Variants in DOCK3 observed in about 807,000 individuals in gnomAD.
The protein encoded by DOCK3 is dedicator of cytokinesis protein 3.
In DOCK3, 60 loss-of-function variants were observed where a neutral mutation model predicts 265.6. The ratio of observed to expected loss-of-function variants is 0.23; its 90% confidence interval spans 0.18 to 0.28. The LOEUF (loss-of-function observed/expected upper bound fraction) is 0.28. Among genes scored for constraint, DOCK3 ranks in the 10% least tolerant of loss-of-function variants. The probability of loss-of-function intolerance (pLI) is 1.00; values close to 1 mark genes in which losing one functional copy is unlikely to be tolerated. For synonymous variants in DOCK3, 881 were observed against 938.0 expected (o/e 0.94, Z 1.11); for missense variants, 1,981 against 2,594.3 (o/e 0.76, Z 5.14).
chr3:51,351,787 G>A (rs1249630471), intron 40 of DOCK3, among the ~76,000 whole-genome samples: 2 of 151,884 alleles, frequency 1.3e-5, no homozygotes, highest in Non-Finnish European at 2.9e-5. Flanking sequence ...CTCCCGAGTG[G>A]CTGGGATTAC....
chr3:51,227,407 G>A lies in DOCK3; in HGVS notation c.1502G>A (p.Arg501Gln), dbSNP rs2090372220. 3.7e-6 allele frequency: 6 copies of A among 1,613,640 alleles called. No individual in the cohort carries two copies. The highest frequency in any genetic ancestry group is 1.3e-5 in the African/African-American group (1 of 74,880). ...IKLPIPIDRFRGSHLRFEFRH... is the reference protein window; with the variant it reads ...IKLPIPIDRFQGSHLRFEFRH... ...TTGCCTATCCCCATTGACCGGTTCCGGGGCTCCCACCTGCGCTTTGAGTTC... is the reference window on the plus strand; with the variant it reads ...TTGCCTATCCCCATTGACCGGTTCCAGGGCTCCCACCTGCGCTTTGAGTTC... Residue 501 changes from arginine (R) to glutamine (Q), a missense_variant, in exon 16 of 53, where the codon CGG (arginine) becomes CAG (glutamine). By Grantham distance (43) the Arg-to-Gln change is conservative. Around this residue, in one of 4 missense-constraint regions of DOCK3, gnomAD observed 1,357 missense variants for 1,866.8 expected, o/e 0.73. Transcript: ENST00000266037.
chr3:50,812,196 A>G (rs1054218930), intron 2 of DOCK3, among the ~76,000 whole-genome samples: 4 of 152,194 alleles, frequency 2.6e-5, no homozygotes. Flanking sequence ...TCCAGGTGGT[A>G]GAGAAACTTG....
intron 28 of DOCK3, among the ~76,000 whole-genome samples, chr3:51,311,267 T>G (rs1352034020): frequency 6.6e-6 from 1 of 152,238 alleles, no homozygotes; most frequent in East Asian, 1.9e-4. Context: ...TCTAATGCAC[T>G]GTTTTTGTCA....
intron 1 of DOCK3, among the ~76,000 whole-genome samples, chr3:50,728,676 T>C (rs1053890892): frequency 1.8e-4 from 28 of 151,934 alleles, no homozygotes; most frequent in Admixed American, 1.3e-3. Context: ...TTGAACAAAG[T>C]TGACACAGGA....
intron 22 of DOCK3, among the ~76,000 whole-genome samples, chr3:51,253,967 A>C (rs983837534): frequency 2.6e-5 from 4 of 152,088 alleles, no homozygotes; most frequent in African/African-American, 9.7e-5. Flanking sequence ...TTCGGGTGTC[A>C]ATTTTAGATC....
intron 4 of DOCK3, among the ~76,000 whole-genome samples, chr3:50,915,651 T>C (rs2050079177): frequency 6.6e-6 from 1 of 151,986 alleles, no homozygotes; most frequent in Non-Finnish European, 1.5e-5. Context: ...AGCTGAGGCC[T>C]GGGGAGAGTG....
chr3:51,013,460 G>T (rs746846627), intron 5 of DOCK3, among the ~76,000 whole-genome samples: 34 of 152,290 alleles, frequency 2.2e-4, no homozygotes, highest in East Asian at 1.5e-3. Context: ...GACCCTGTTT[G>T]CCTGGGTATC....
chr3:51,004,106 G>GA (rs1398952837), intron 5 of DOCK3, among the ~76,000 whole-genome samples: 2 of 152,132 alleles, frequency 1.3e-5, no homozygotes, highest in East Asian at 3.9e-4. Context: ...CTAGTGAATA[G>GA]AATGCAGTAA....
intron 1 of DOCK3, among the ~76,000 whole-genome samples, chr3:50,707,513 A>ATTTC (rs1274398246): frequency 2.6e-5 from 4 of 151,754 alleles, no homozygotes; most frequent in East Asian, 3.9e-4. Flanking sequence ...TCCCTGTATG[A>ATTTC]TTTCTTTGGC....
chr3:51,008,067 C>G (rs924625661), intron 5 of DOCK3, among the ~76,000 whole-genome samples: 2 of 152,112 alleles, frequency 1.3e-5, no homozygotes, highest in African/African-American at 4.8e-5. Flanking sequence ...ATGCCTCCAG[C>G]TTTGTTGTTT....
At chr3:50,701,550 G>T (rs2036040992) in intron 1 of DOCK3, among the ~76,000 whole-genome samples, 1 of 152,138 alleles carries the variant, frequency 6.6e-6, no homozygotes, top group African/African-American at 2.4e-5. Context: ...TCTTTACTCT[G>T]TTTATTGTTT....
chr3:51,158,109 G>T (rs568169641), intron 10 of DOCK3, among the ~76,000 whole-genome samples: 2 of 152,182 alleles, frequency 1.3e-5, no homozygotes, highest in East Asian at 1.9e-4. Flanking sequence ...TCATTAACTC[G>T]CAATAATGGC....
intron 1 of DOCK3, among the ~76,000 whole-genome samples, chr3:50,747,875 G>A (rs1021965424): frequency 2.6e-4 from 3 of 11,576 alleles, no homozygotes; most frequent in Admixed American, 1.4e-3. Flanking sequence ...AAAAAAAAAG[G>A]GGGGGGGTAT....
intron 5 of DOCK3, among the ~76,000 whole-genome samples, chr3:51,057,222 T>C (rs2081235866): frequency 1.3e-5 from 2 of 152,216 alleles, no homozygotes; most frequent in South Asian, 4.1e-4. Flanking sequence ...AGGGATTGTT[T>C]CACAACAGTG....
chr3:50,799,071 A>G (rs1194855468), intron 2 of DOCK3, among the ~76,000 whole-genome samples: 2 of 152,138 alleles, frequency 1.3e-5, no homozygotes, highest in Non-Finnish European at 2.9e-5. Context: ...ATACTGTTTT[A>G]GTGGTCTGTG....
At chr3:50,967,989 G>A (rs9811602) in intron 5 of DOCK3, among the ~76,000 whole-genome samples, 143,517 of 152,272 alleles carry the variant, frequency 0.94, 68,269 homozygotes, top group East Asian at 1. Context: ...ACTAATTTAC[G>A]TTCCCACTAC....
intron 4 of DOCK3, among the ~76,000 whole-genome samples, chr3:50,915,230 A>G (rs2050053540): frequency 6.6e-6 from 1 of 151,952 alleles, no homozygotes; most frequent in Admixed American, 6.6e-5. Context: ...AATCCAATAG[A>G]ACTCAGGGGC....
Position 51,378,773 on chromosome 3 carries a change from T to C in DOCK3, c.5501-1352T>C, listed in dbSNP as rs1287998393. On this transcript the variant is annotated intron_variant, in intron 51 of 52. Coordinates refer to ENST00000266037, the MANE Select transcript of DOCK3 (RefSeq NM_004947.5). ...CCTGAAAAGTCTGTCATCCCAACTG[T>C]GGCTGAGGGGACAGTATTCTGGCAG... Among the ~76,000 whole-genome samples, 3 of 152,210 alleles carry C rather than the reference T, an allele frequency of 2.0e-5. No individual in the cohort carries two copies. The East Asian group carries it at 5.8e-4, about 29-fold the overall frequency.
chr3:51,175,007 AC>A (rs1331699244), intron 12 of DOCK3, among the ~76,000 whole-genome samples: 2 of 152,168 alleles, frequency 1.3e-5, no homozygotes, highest in Non-Finnish European at 2.9e-5. Context: ...CAGGCCAGTT[AC>A]AGATGTACAG....
Sources: gnomAD v4.1 joint callset for allele counts (sites outside exome capture counted in the v4.1 genomes callset) on GRCh38, gnomAD v4.1.1 for gene constraint, gnomAD v4.1.1 regional missense constraint, MANE v1.5 for transcripts, NCBI Gene and HGNC (gene_info 2026-07-23, HGNC 2026-07-21) for gene names.